Variants in CARD14 observed in about 807,000 individuals in gnomAD.
The protein encoded by CARD14 is caspase recruitment domain-containing protein 14.
A neutral mutation model predicts 111.5 loss-of-function variants in CARD14; 107 were observed. The ratio of observed to expected loss-of-function variants is 0.96; its 90% CI spans 0.82 to 1.13. The LOEUF (loss-of-function observed/expected upper bound fraction) is 1.13. Among genes scored for constraint, CARD14 ranks in the 50% most tolerant of loss-of-function variants. The pLI, the probability that CARD14 is intolerant of heterozygous loss-of-function variation, is 0.00. For synonymous variants in CARD14, 617 were observed against 579.6 expected (o/e 1.06, Z -0.93); for missense variants, 1,322 against 1,362.3 (o/e 0.97, Z 0.47).
chr17:80,176,881 G>T (rs1179214710), intron 2 of CARD14, among the ~76,000 whole-genome samples: 1 of 152,196 alleles, frequency 6.6e-6, no homozygotes, highest in African/African-American at 2.4e-5. Flanking sequence ...AGCCTTCTGT[G>T]GGAGTGTGCC....
chr17:80,192,488 G>A lies in CARD14; in HGVS notation c.1240-15G>A. ...TTTCCCGAATTAACCAGCCTGTCTG[G>A]CCTGTCTTTGGCAGCTCAAGCAGGA... is the stretch of plus-strand genomic sequence containing the variant. On this transcript the variant is annotated splice_polypyrimidine_tract_variant and intron_variant, in intron 11 of 23. Transcript: ENST00000648509. 1 of 1,605,516 alleles carries A rather than the reference G, an allele frequency of 6.2e-7. No individual in the cohort carries two copies. Among genetic ancestry groups the A allele is most frequent in the Non-Finnish European group, 8.5e-7 (1 of 1,172,954 alleles).
rs754253068 is a variant in CARD14 at position 80,191,334 on chromosome 17, G to T, written c.1101G>T (p.Ala367=). The stretch of plus-strand genomic sequence containing the variant: ...GTCGTGGCCCACAGGCGTACTCCGC[G>T]AGGGACAGTGCTCAGAGGGAGATTT... The part of the protein sequence containing the change: ...LQKERDQAYS[A]RDSAQREISQ... The change falls in exon 11 of 24, where the codon GCG becomes GCT. Residue 367 remains alanine, a synonymous_variant. Coordinates refer to ENST00000648509, the MANE Select transcript of CARD14 (RefSeq NM_001366385.1). The T allele has an allele frequency of 4.3e-6, 7 of 1,613,192 alleles. No homozygotes were observed. The highest frequency in any genetic ancestry group is 5.9e-6 in the Non-Finnish European group (7 of 1,179,408).
In CARD14 at chr17:80,201,545, A is replaced by G; in HGVS notation, c.1852-199A>G. 1.7e-6 allele frequency: 1 copy of G among 605,340 alleles called. No individual in the cohort carries two copies. Among genetic ancestry groups the G allele is most frequent in the East Asian group, 2.8e-5 (1 of 35,982 alleles). 37.5% of individuals were successfully genotyped at this position (605,340 alleles called of 1,614,324 possible). A position where few individuals can be genotyped will look rare whatever the true frequency, so the allele number is the denominator to read the frequency against. ...GGCAGTTGACTCTCTGGCCAGCACT[A>G]TGTGTAGCACGCATCACTAGAGGTG... On this transcript the variant is annotated intron_variant, in intron 16 of 23. Transcript: ENST00000648509. The surrounding 1 kb of genome is among the most constrained non-coding windows in gnomAD (Gnocchi z 5.0).
At chr17:80,184,530 T>C (rs1598641344) in intron 7 of CARD14, among the ~76,000 whole-genome samples, 1 of 152,202 alleles carries the variant, frequency 6.6e-6, no homozygotes, top group Admixed American at 6.5e-5. Flanking sequence ...CCTGGGCAGG[T>C]CTGGACACAC....
chr17:80,206,787 TA>T (rs1443432661), intron 22 of CARD14, 182 bp from the exon 23 acceptor site: 5 of 414,670 alleles, frequency 1.2e-5, no homozygotes, highest in South Asian at 6.7e-5. Flanking sequence ...AAAATAAAAA[TA>T]AAAAAAAGAG....
rs1301926833 is a variant in CARD14 at position 80,189,991 on chromosome 17, C to T, written c.963+119C>T. 5.1e-6 allele frequency: 7 copies of T among 1,363,148 alleles called. No homozygotes were observed. Among genetic ancestry groups the T allele is most frequent in the South Asian group, 1.5e-5 (1 of 67,926 alleles). 84.4% of individuals were successfully genotyped at this position (1,363,148 alleles called of 1,614,324 possible). ...GCCGAGCTCACATAATTTTGCTGAA[C>T]GAATCTGTCGGCCTGTTCATCTGTC... On this transcript the variant is annotated intron_variant, in intron 9 of 23. Coordinates refer to ENST00000648509, the MANE Select transcript of CARD14 (RefSeq NM_001366385.1). This position sits in a 1 kb window ranked among gnomAD's most constrained non-coding sequence, Gnocchi z 4.7.
Position 80,202,416 on chromosome 17 carries a change from T to A in CARD14, c.2215T>A (p.Ser739Thr). Residue 739 changes from serine to threonine, a missense_variant, in exon 18 of 24, where the codon TCC (serine) becomes ACC (threonine). Coordinates refer to ENST00000648509, the MANE Select transcript of CARD14 (RefSeq NM_001366385.1). ...CGCGCACGGCACCATCCCCAACTACTCCAGGTGAGCAGCTGCCTCGAGCTC... is the reference window on the plus strand; with the variant it reads ...CGCGCACGGCACCATCCCCAACTACACCAGGTGAGCAGCTGCCTCGAGCTC... Reference protein sequence around the residue: ...TAAHGTIPNYSRAQQQLIALI... With the variant: ...TAAHGTIPNYTRAQQQLIALI... 6.2e-7 allele frequency: 1 copy of A among 1,609,106 alleles called. No individual in the cohort carries two copies. The highest frequency in any genetic ancestry group is 1.1e-5 in the South Asian group (1 of 90,980).
chr17:80,190,935 G>A, intron 10 of CARD14, 36 bp downstream of exon 10: 4 of 1,604,296 alleles, frequency 2.5e-6, no homozygotes, highest in Non-Finnish European at 3.4e-6. Context: ...GCCACCCCAT[G>A]CTTGCTTCCC....
intron 16 of CARD14, among the ~76,000 whole-genome samples, chr17:80,199,132 T>C (rs1456139350): frequency 6.6e-6 from 1 of 152,018 alleles, no homozygotes; most frequent in South Asian, 2.1e-4. Context: ...TTTGGGGACA[T>C]TTTCTAAAAC....
In CARD14 at chr17:80,171,205, CCCTTCCTT is replaced by C. The variant is rs59738447; in HGVS notation, c.-690+1183_-690+1190del. On this transcript the variant is annotated intron_variant, in intron 1 of 23. Coordinates refer to ENST00000648509, the MANE Select transcript of CARD14 (RefSeq NM_001366385.1). ...TCCCTCCCTCCCTCCCTCCCTCCCT[CCCTTCCTT>C]CCTTCCTTCCTTCCTTCCTTCCTTC... Among the ~76,000 whole-genome samples the C allele has an allele frequency of 8.1e-3, 334 of 41,096 alleles. 8 individuals carry two copies. Among genetic ancestry groups the C allele is most frequent in the African/African-American group, 0.019 (183 of 9,426 alleles). 27.0% of individuals were successfully genotyped at this position (41,096 alleles called of 152,430 possible).
At position 80,198,351 on chromosome 17, in the gene CARD14, C is replaced by A. The variant is rs1364177341; in HGVS notation, c.1659-48C>A. The A allele has an allele frequency of 1.3e-5, 21 of 1,562,722 alleles. No individual in the cohort carries two copies. The highest frequency in any genetic ancestry group is 1.8e-5 in the Non-Finnish European group (21 of 1,151,216). On this transcript the variant is annotated intron_variant, in intron 15 of 23. Transcript: ENST00000648509. The surrounding 1 kb of genome is among the most constrained non-coding windows in gnomAD (Gnocchi z 7.5). ...AGCAATGGGGAGGTGGCCTTGCCGG[C>A]TCTCCTGCTCTGGGCAGTGCACAAG...
At position 80,208,399 on chromosome 17, in the gene CARD14, G is replaced by A; in HGVS notation, c.*54G>A. 1 of 1,456,422 alleles carries A rather than the reference G, an allele frequency of 6.9e-7. No homozygotes were observed. The highest frequency in any genetic ancestry group is 9.3e-7 in the Non-Finnish European group (1 of 1,076,788). 90.2% of individuals were successfully genotyped at this position (1,456,422 alleles called of 1,614,324 possible). On this transcript the variant is annotated 3_prime_UTR_variant, in exon 24 of 24. Coordinates refer to ENST00000648509, the MANE Select transcript of CARD14 (RefSeq NM_001366385.1). Reference sequence around the variant, plus strand: ...GGGCTTCTGTGTGCCTGTTAATGCAGTCCTGTTCCTCAGCCCAGGCCCTCT... The same window carrying A: ...GGGCTTCTGTGTGCCTGTTAATGCAATCCTGTTCCTCAGCCCAGGCCCTCT...
Position 80,189,985 on chromosome 17 carries a change from GCTGAACGAATCTGTCGGC to G in CARD14, c.963+117_963+134del. On this transcript the variant is annotated intron_variant, in intron 9 of 23. Coordinates refer to ENST00000648509, the MANE Select transcript of CARD14 (RefSeq NM_001366385.1). The surrounding 1 kb of genome is among the most constrained non-coding windows in gnomAD (Gnocchi z 4.7). Reference sequence around the variant, plus strand: ...ATCCACGCCGAGCTCACATAATTTTGCTGAACGAATCTGTCGGCCTGTTCATCTGTCCCTTTGTCAGCG... The same window carrying G: ...ATCCACGCCGAGCTCACATAATTTTGCTGTTCATCTGTCCCTTTGTCAGCG... 1 of 1,419,988 alleles carries G rather than the reference GCTGAACGAATCTGTCGGC, an allele frequency of 7.0e-7. No individual in the cohort carries two copies. Among genetic ancestry groups the G allele is most frequent in the Non-Finnish European group, 9.3e-7 (1 of 1,079,506 alleles). The allele number at this position is 1,419,988 out of a possible 1,614,324, so 88.0% of individuals were successfully genotyped here. A position where few individuals can be genotyped will look rare whatever the true frequency, so the allele number is the denominator to read the frequency against.
At chr17:80,186,523 G>A (rs562084851) in intron 7 of CARD14, among the ~76,000 whole-genome samples, 1 of 152,032 alleles carries the variant, frequency 6.6e-6, no homozygotes, top group Admixed American at 6.6e-5. Context: ...ATTCTCTGAG[G>A]GCCCCACTTC....
chr17:80,189,529 G>GCTT lies in CARD14; in HGVS notation c.844-224_844-223insCTT, dbSNP rs1296139143. ...AAGGGAGGAACTGGTGTCCTCAGAG[G>GCTT]TTGCCAGCTTCCTGTGTTCCTTCTC... On this transcript the variant is annotated intron_variant, in intron 8 of 23. Coordinates refer to ENST00000648509, the MANE Select transcript of CARD14 (RefSeq NM_001366385.1). The surrounding 1 kb of genome is among the most constrained non-coding windows in gnomAD (Gnocchi z 4.7). Among the ~76,000 whole-genome samples, 1 of 152,164 alleles carries GCTT rather than the reference G, an allele frequency of 6.6e-6. No individual in the cohort carries two copies. Among genetic ancestry groups the GCTT allele is most frequent in the Non-Finnish European group, 1.5e-5 (1 of 68,032 alleles).
intron 7 of CARD14, chr17:80,187,841 C>T: frequency 2.0e-6 from 2 of 985,488 alleles, no homozygotes; most frequent in Non-Finnish European, 2.4e-6. Context: ...GGGATAGTCC[C>T]TGGAAGGCCA....
rs2041522824 is a variant in CARD14, at chr17:80,209,210, T to A, written c.*865T>A. 1.8e-5 allele frequency: 13 copies of A among 711,796 alleles called. No homozygotes were observed. Among genetic ancestry groups the A allele is most frequent in the South Asian group, 1.3e-4 (2 of 15,772 alleles). 44.1% of individuals were successfully genotyped at this position (711,796 alleles called of 1,614,324 possible). ...TCCTGGGGCTGTTGCAGACTGAATG[T>A]CATTTTGACAGCAGTGTCCAAGAAT... is the stretch of plus-strand genomic sequence containing the variant. On this transcript the variant is annotated 3_prime_UTR_variant, in exon 24 of 24. Transcript: ENST00000648509.
intron 9 of CARD14, 141 bp from the exon 10 acceptor site, chr17:80,190,633 A>G (rs1316834338): frequency 1.9e-5 from 15 of 797,298 alleles, no homozygotes; most frequent in Non-Finnish European, 2.6e-5. Flanking sequence ...AAAAAAAGAG[A>G]GAGAGAGACG....
rs1335470869 is a variant in CARD14 at position 80,188,527 on chromosome 17, TC to T, written c.827del (p.Ser276CysfsTer2). 1.3e-6 allele frequency: 2 copies of T among 1,518,178 alleles called. No individual in the cohort carries two copies. The highest frequency in any genetic ancestry group is 2.1e-5 in the Admixed American group (1 of 47,006). The allele number at this position is 1,518,178 out of a possible 1,614,324, so 94.0% of individuals were successfully genotyped here. On this transcript the variant is annotated frameshift_variant, in exon 8 of 24. Transcript: ENST00000648509. LOFTEE classifies it high-confidence loss of function. This position sits in a 1 kb window ranked among gnomAD's most constrained non-coding sequence, Gnocchi z 4.5. The stretch of plus-strand genomic sequence containing the variant: ...GAAGGAGGAGAATGAGAAACTGCGC[TC>T]GCTGACTTTCAGCCTGGTAGGTTCC... ...RLKEENEKLR[S>X]LTFSLAEKDI...
Sources: allele counts gnomAD v4.1 joint callset (sites outside exome capture counted in the v4.1 genomes callset), GRCh38; gene constraint gnomAD v4.1.1; non-coding constraint Gnocchi (gnomAD v3.1); transcripts MANE v1.5; gene names NCBI Gene and HGNC (gene_info 2026-07-23, HGNC 2026-07-21).